SGCZ: variants seen among roughly 807,000 people sequenced by gnomAD.
SGCZ encodes zeta-sarcoglycan.
Under a neutral mutation model 41.3 loss-of-function variants are expected in SGCZ, and 40 were observed. The observed-to-expected ratio is 0.97, with a 90% CI of 0.75 to 1.26. The LOEUF is 1.26. SGCZ is among the 50% of genes most tolerant of loss of function. The probability of loss-of-function intolerance (pLI) is 0.00; values close to 1 mark genes in which losing one functional copy is unlikely to be tolerated. For missense variants in SGCZ, 552 were observed against 369.8 expected (o/e 1.49, Z -4.04); for synonymous variants, 206 against 137.5 (o/e 1.50, Z -3.49).
At chr8:14,890,991 A>T (rs562533034) in intron 1 of SGCZ, among the ~76,000 whole-genome samples, 45 of 152,202 alleles carry the variant, frequency 3.0e-4, no homozygotes, top group Non-Finnish European at 4.6e-4. Flanking sequence ...CCCTCTATTG[A>T]GACCTATTCC....
At chr8:15,136,587 G>T (rs1235091471) in intron 1 of SGCZ, among the ~76,000 whole-genome samples, 2 of 152,048 alleles carry the variant, frequency 1.3e-5, no homozygotes, top group Non-Finnish European at 2.9e-5. Context: ...AATCATGGGG[G>T]TGGTTTCTCC....
chr8:14,244,150 TC>T, intron 3 of SGCZ, among the ~76,000 whole-genome samples: 1 of 750 alleles, frequency 1.3e-3, no homozygotes, highest in Admixed American at 0.016. Context: ...TCCTTCTTCC[TC>T]CTCCTCTTCC....
rs577277494 is a variant in SGCZ, at chr8:15,149,276, T to G, written c.39+88309A>C. 4.6e-5 allele frequency among the ~76,000 whole-genome samples: 7 copies of G among 152,266 alleles called. No homozygotes were observed. The East Asian group carries it at 1.4e-3, about 29-fold the overall frequency. ...AAGGGAAAGGGACAGGGCTGAAATT[T>G]GACAAGTAACTGGTCACCAATTTAG... On this transcript the variant is annotated intron_variant, in intron 1 of 7. Coordinates refer to ENST00000382080, the MANE Select transcript of SGCZ (RefSeq NM_139167.4).
At chr8:14,653,207 T>A (rs1807459013) in intron 1 of SGCZ, among the ~76,000 whole-genome samples, 1 of 152,040 alleles carries the variant, frequency 6.6e-6, no homozygotes, top group Non-Finnish European at 1.5e-5. Flanking sequence ...CATAACTAGT[T>A]CCGACCAAAG....
At chr8:14,136,489 G>A (rs1034111749) in intron 5 of SGCZ, among the ~76,000 whole-genome samples, 1 of 152,166 alleles carries the variant, frequency 6.6e-6, no homozygotes, top group African/African-American at 2.4e-5. Context: ...TGGCACACCA[G>A]TACATTATAT....
intron 1 of SGCZ, among the ~76,000 whole-genome samples, chr8:15,090,194 T>G (rs1806105424): frequency 6.6e-6 from 1 of 152,286 alleles, no homozygotes; most frequent in African/African-American, 2.4e-5. Flanking sequence ...AGAAGCAAAT[T>G]TAGTCTGTTA....
intron 2 of SGCZ, among the ~76,000 whole-genome samples, chr8:14,517,106 A>G (rs1301690418): frequency 6.6e-6 from 1 of 152,076 alleles, no homozygotes; most frequent in Non-Finnish European, 1.5e-5. Flanking sequence ...CTTGTACAAA[A>G]CAATGTATGA....
chr8:14,817,552 C>T (rs1384414975), intron 1 of SGCZ, among the ~76,000 whole-genome samples: 1 of 152,130 alleles, frequency 6.6e-6, no homozygotes, highest in Non-Finnish European at 1.5e-5. Flanking sequence ...AACTGAATTC[C>T]CATTCCTGAG....
intron 1 of SGCZ, among the ~76,000 whole-genome samples, chr8:14,768,784 T>C (rs947846916): frequency 2.8e-4 from 42 of 151,910 alleles, no homozygotes; most frequent in African/African-American, 9.9e-4. Flanking sequence ...CAGAAAGCTG[T>C]CATATGAAAC....
At chr8:14,410,100 A>G (rs1232274616) in intron 2 of SGCZ, among the ~76,000 whole-genome samples, 4 of 152,080 alleles carry the variant, frequency 2.6e-5, no homozygotes, top group Non-Finnish European at 4.4e-5. Flanking sequence ...TAGATTCTTA[A>G]AGGAATGCAA....
chr8:14,259,217 C>T (rs1799566745), intron 3 of SGCZ, among the ~76,000 whole-genome samples: 1 of 152,118 alleles, frequency 6.6e-6, no homozygotes, highest in Non-Finnish European at 1.5e-5. Flanking sequence ...TAATTAAAAA[C>T]ACACATGAAT....
At chr8:14,511,054 G>T (rs1242347046) in intron 2 of SGCZ, among the ~76,000 whole-genome samples, 1 of 152,014 alleles carries the variant, frequency 6.6e-6, no homozygotes, top group Non-Finnish European at 1.5e-5. Context: ...AGCAAACACA[G>T]ATGGTTACCC....
At chr8:14,592,644 C>T (rs1805277358) in intron 1 of SGCZ, among the ~76,000 whole-genome samples, 1 of 151,738 alleles carries the variant, frequency 6.6e-6, no homozygotes, top group South Asian at 2.1e-4. Flanking sequence ...TTAAGCAAAA[C>T]AAATCAGATT....
At chr8:14,444,789 G>A (rs1362330796) in intron 2 of SGCZ, among the ~76,000 whole-genome samples, 2 of 152,072 alleles carry the variant, frequency 1.3e-5, no homozygotes, top group African/African-American at 4.8e-5. Flanking sequence ...TTGGGCACAT[G>A]TACCCTAAAA....
Position 14,956,104 on chromosome 8 carries a change from A to T in SGCZ, c.39+281481T>A, listed in dbSNP as rs1415984429. The stretch of plus-strand genomic sequence containing the variant: ...CATCAGGCTGGAGGGCAATGGCGCG[A>T]TCTCTGCTCACTGCAACCTCCACCT... On this transcript the variant is annotated intron_variant, in intron 1 of 7. Coordinates refer to ENST00000382080, the MANE Select transcript of SGCZ (RefSeq NM_139167.4). Among the ~76,000 whole-genome samples, 5 of 141,720 alleles carry T rather than the reference A, an allele frequency of 3.5e-5. No individual in the cohort carries two copies. The South Asian group carries it at 1.1e-3, about 31-fold the overall frequency. 93.0% of individuals were successfully genotyped at this position (141,720 alleles called of 152,430 possible).
rs1801627340 is a variant in SGCZ, at chr8:14,089,691, T to A, written c.*752A>T. 6.6e-6 allele frequency among the ~76,000 whole-genome samples: 1 copy of A among 152,074 alleles called. No individual in the cohort carries two copies. The highest frequency in any genetic ancestry group is 1.9e-4 in the East Asian group (1 of 5,162). ...GCAAATACGTCACATGCAGTAGCCATGTAAATACTATATAAGGCCATCCAG... is the reference window on the plus strand; with the variant it reads ...GCAAATACGTCACATGCAGTAGCCAAGTAAATACTATATAAGGCCATCCAG... On this transcript the variant is annotated 3_prime_UTR_variant, in exon 8 of 8. Coordinates refer to ENST00000382080, the MANE Select transcript of SGCZ (RefSeq NM_139167.4).
intron 2 of SGCZ, among the ~76,000 whole-genome samples, chr8:14,420,354 A>G (rs903758245): frequency 6.6e-6 from 1 of 152,024 alleles, no homozygotes; most frequent in African/African-American, 2.4e-5. Flanking sequence ...TGCTATTCAC[A>G]ATTGCCCCAT....
At chr8:14,919,288 G>T (rs1355450142) in intron 1 of SGCZ, among the ~76,000 whole-genome samples, 1 of 151,750 alleles carries the variant, frequency 6.6e-6, no homozygotes, top group Admixed American at 6.6e-5. Context: ...AAATACAAAA[G>T]AAATTAGCTG....
rs540458039 is a variant in SGCZ at position 14,444,783 on chromosome 8, G to A, written c.234+109949C>T. On this transcript the variant is annotated intron_variant, in intron 2 of 7. Coordinates refer to ENST00000382080, the MANE Select transcript of SGCZ (RefSeq NM_139167.4). ...CATATGTAACTAACCGGCATATTGG[G>A]CACATGTACCCTAAAACTTAAAGTA... 2.0e-4 allele frequency among the ~76,000 whole-genome samples: 30 copies of A among 151,930 alleles called. 1 individual carries two copies. The South Asian group carries it at 5.6e-3, about 28-fold the overall frequency.
Sources: gnomAD v4.1 joint callset for allele counts (sites outside exome capture counted in the v4.1 genomes callset) on GRCh38, gnomAD v4.1.1 for gene constraint, MANE v1.5 for transcripts, NCBI Gene and HGNC (gene_info 2026-07-23, HGNC 2026-07-21) for gene names.